Variants in FAM13B observed in about 807,000 individuals in gnomAD.
The protein encoded by FAM13B is protein FAM13B.
In FAM13B, 60 loss-of-function variants were observed where a neutral mutation model predicts 117.3. The observed-to-expected ratio is 0.51, with a 90% confidence interval of 0.42 to 0.63. The LOEUF is 0.63. Among genes scored for constraint, FAM13B ranks in the 30% least tolerant of loss-of-function variants. The probability of loss-of-function intolerance (pLI) is 0.00; values close to 1 mark genes in which losing one functional copy is unlikely to be tolerated. For synonymous variants in FAM13B, 332 were observed against 356.1 expected (o/e 0.93, Z 0.76); for missense variants, 972 against 1,091.9 (o/e 0.89, Z 1.55).
chr5:137,993,723 G>A (rs959959045), intron 7 of FAM13B, among the ~76,000 whole-genome samples: 6 of 152,060 alleles, frequency 3.9e-5, no homozygotes, highest in Admixed American at 3.3e-4. Context: ...GGAGGCGGAG[G>A]TCGCAGTGAG....
intron 1 of FAM13B, among the ~76,000 whole-genome samples, chr5:138,049,427 C>G (rs1791736945): frequency 6.6e-6 from 1 of 152,082 alleles, no homozygotes; most frequent in South Asian, 2.1e-4. Context: ...GCGTGTGCTA[C>G]CACGCCCTAC....
chr5:137,941,324 T>A (rs951558860), intron 23 of FAM13B, among the ~76,000 whole-genome samples: 18 of 152,184 alleles, frequency 1.2e-4, no homozygotes, highest in African/African-American at 4.3e-4. Context: ...CTTGGTAAGA[T>A]AACCCAGCTA....
chr5:138,001,555 C>A (rs1188486816), intron 7 of FAM13B, among the ~76,000 whole-genome samples: 1 of 152,184 alleles, frequency 6.6e-6, no homozygotes, highest in African/African-American at 2.4e-5. Flanking sequence ...TACTGAGTGC[C>A]TATTCTGTAG....
chr5:137,992,299 G>GAA (rs200110855), intron 7 of FAM13B, among the ~76,000 whole-genome samples: 5 of 135,544 alleles, frequency 3.7e-5, no homozygotes, highest in South Asian at 5.0e-4. Context: ...ACAAAGAATT[G>GAA]AAAAAAAAAA....
At chr5:137,943,098 G>A (rs1388984651) in intron 21 of FAM13B, 35 bp downstream of exon 21, 1 of 1,609,378 alleles carries the variant, frequency 6.2e-7, no homozygotes, top group Non-Finnish European at 8.5e-7. Context: ...TTCCCTTAGG[G>A]AAGGGATCAG....
chr5:138,022,028 C>A (rs1263834280), intron 1 of FAM13B, among the ~76,000 whole-genome samples: 1 of 151,462 alleles, frequency 6.6e-6, no homozygotes, highest in East Asian at 1.9e-4. Context: ...GCAGGAGGAT[C>A]ACTTCTGCCA....
intron 1 of FAM13B, among the ~76,000 whole-genome samples, chr5:138,029,159 G>A (rs924971761): frequency 2.0e-5 from 3 of 152,150 alleles, no homozygotes; most frequent in South Asian, 2.1e-4. Flanking sequence ...CCAACCATCC[G>A]GTGAAATAAG....
chr5:138,036,808 T>C (rs1581325095), upstream of FAM13B: 1 of 347,958 alleles, frequency 2.9e-6, no homozygotes, highest in East Asian at 7.6e-5. Context: ...GGTTCTCAAC[T>C]GCGACAATTT....
At chr5:137,959,967 C>T (rs1767688277) in intron 12 of FAM13B, among the ~76,000 whole-genome samples, 199 bp downstream of exon 12, 1 of 152,076 alleles carries the variant, frequency 6.6e-6, no homozygotes, top group Admixed American at 6.6e-5. Flanking sequence ...AGTTTGGATC[C>T]CAAATTCAGG....
At position 137,940,321 on chromosome 5, in the gene FAM13B, T is replaced by G. The variant is rs767602915; in HGVS notation, c.2718A>C (p.Pro906=). 1.2e-6 allele frequency: 2 copies of G among 1,606,092 alleles called. No individual in the cohort carries two copies. The highest frequency in any genetic ancestry group is 1.7e-6 in the Non-Finnish European group (2 of 1,174,076). ...TGTACTCTCTGTACTCCTCAAGCAC[T>G]GGAACACGATCCTCTTTCTGGGCAT... ...GRNAQKEDRV[P]VLEEYREYKK... Residue 906 remains proline, a synonymous_variant, in exon 24 of 24, where the codon CCA becomes CCC. Transcript: ENST00000689681.
rs759601021 is a variant in FAM13B at position 137,988,295 on chromosome 5, C to T, written c.869G>A (p.Ser290Asn). 3.9e-6 allele frequency: 6 copies of T among 1,556,872 alleles called. No individual in the cohort carries two copies. The Admixed American group carries it at 6.8e-5, about 18-fold the overall frequency. ...TTACTCTGTAGAGGCTGGTAGGATG[C>T]TGATGGGAGATATATGGGTGCTGCA... ...TATSTHISPI[S>N]ILPASTDILE... The change falls in exon 8 of 24, where the codon AGC becomes AAC. Residue 290 changes from serine to asparagine, a missense_variant. By Grantham distance (46) the Ser-to-Asn change is conservative. Coordinates refer to ENST00000689681, the MANE Select transcript of FAM13B (RefSeq NM_001385994.1).
At chr5:137,943,835 A>G (rs1480887261) in intron 20 of FAM13B, among the ~76,000 whole-genome samples, 1 of 152,206 alleles carries the variant, frequency 6.6e-6, no homozygotes, top group African/African-American at 2.4e-5. Flanking sequence ...TTTTGGTTTG[A>G]GGACCATTCT....
chr5:137,973,513 A>G (rs1772942109), intron 10 of FAM13B, among the ~76,000 whole-genome samples: 3 of 152,202 alleles, frequency 2.0e-5, no homozygotes, highest in Admixed American at 6.5e-5. Flanking sequence ...ACCCCAGAAG[A>G]AAACCTAGGC....
chr5:137,986,227 T>C (rs1303205945), intron 9 of FAM13B, among the ~76,000 whole-genome samples: 5 of 152,174 alleles, frequency 3.3e-5, no homozygotes, highest in Non-Finnish European at 5.9e-5. Flanking sequence ...ACGCTTGCAA[T>C]TGTACTATAT....
intron 18 of FAM13B, among the ~76,000 whole-genome samples, chr5:137,947,254 TA>T (rs1186111121): frequency 1.3e-5 from 2 of 151,928 alleles, no homozygotes; most frequent in East Asian, 1.9e-4. Context: ...AATTGAAGAT[TA>T]AAAAAAAATT....
intron 4 of FAM13B, among the ~76,000 whole-genome samples, chr5:138,012,552 G>T (rs532370076): frequency 5.3e-5 from 8 of 152,090 alleles, no homozygotes; most frequent in Non-Finnish European, 1.2e-4. Context: ...CTAAATTCAT[G>T]TTGGTTTCTG....
chr5:138,024,477 T>G (rs62383467), intron 1 of FAM13B, among the ~76,000 whole-genome samples: 64,083 of 151,388 alleles, frequency 0.42, 14,403 homozygotes, highest in East Asian at 0.6. Context: ...TCCTCAACTG[T>G]GAGAAAAAAC....
chr5:138,003,353 C>T (rs1781744348), intron 7 of FAM13B, among the ~76,000 whole-genome samples: 1 of 152,078 alleles, frequency 6.6e-6, no homozygotes, highest in Admixed American at 6.6e-5. Flanking sequence ...GGTACCTCTA[C>T]TCTCATGACA....
chr5:138,006,858 C>T, intron 7 of FAM13B, 132 bp downstream of exon 7: 1 of 831,096 alleles, frequency 1.2e-6, no homozygotes, highest in Non-Finnish European at 1.8e-6. Flanking sequence ...TTAAATTTTA[C>T]TTCTTGCTCT....
Sources: gnomAD v4.1 joint callset for allele counts (sites outside exome capture counted in the v4.1 genomes callset) on GRCh38, gnomAD v4.1.1 for gene constraint, MANE v1.5 for transcripts, NCBI Gene and HGNC (gene_info 2026-07-23, HGNC 2026-07-21) for gene names.